The following RAD51B variants were observed in gnomAD, a reference collection of about 807,000 sequenced individuals.
RAD51B encodes RAD51 paralog B.
A neutral mutation model predicts 42.2 loss-of-function variants in RAD51B; 38 were observed. The observed-to-expected ratio is 0.90, with a 90% confidence interval of 0.70 to 1.18. The LOEUF is 1.18. Among genes scored for constraint, RAD51B ranks in the 50% most tolerant of loss-of-function variants. The probability of loss-of-function intolerance (pLI) is 0.00; values close to 1 mark genes in which losing one functional copy is unlikely to be tolerated. For synonymous variants in RAD51B, 154 were observed against 145.2 expected, an observed-to-expected ratio of 1.06 and a Z score of -0.43; for missense variants, 373 against 400.7, an observed-to-expected ratio of 0.93 and a Z score of 0.59.
chr14:67,955,308 AT>A (rs775845334), intron 7 of RAD51B, among the ~76,000 whole-genome samples: 4 of 152,222 alleles, frequency 2.6e-5, no homozygotes, highest in Non-Finnish European at 5.9e-5. Flanking sequence ...ATAAATGATG[AT>A]AGTACTATTA....
In RAD51B at chr14:68,083,053, A is replaced by G. The variant is rs375588255; in HGVS notation, c.756+195849A>G. 1.1e-4 allele frequency among the ~76,000 whole-genome samples: 16 copies of G among 152,290 alleles called. No homozygotes were observed. In the East Asian group the frequency reaches 1.3e-3, roughly 13 times the overall value. The stretch of plus-strand genomic sequence containing the variant: ...TCAGACTAGAGAGTTTCAACTTTTA[A>G]CCTGTGATTTCAGTTATTGTGACAT... On this transcript the variant is annotated intron_variant, in intron 7 of 10. Transcript: ENST00000471583.
intron 7 of RAD51B, among the ~76,000 whole-genome samples, chr14:68,184,616 A>AC (rs1159599893): frequency 1.4e-3 from 81 of 59,090 alleles, no homozygotes; most frequent in African/African-American, 1.8e-3. Flanking sequence ...TCTAAAAAAA[A>AC]AAAAAAACCA....
At chr14:67,912,679 A>G (rs753735420) in intron 7 of RAD51B, among the ~76,000 whole-genome samples, 2 of 152,064 alleles carry the variant, frequency 1.3e-5, no homozygotes, top group Non-Finnish European at 2.9e-5. Flanking sequence ...TCAGGAAAAC[A>G]TAATTTATCT....
chr14:68,640,661 A>G (rs572924126), intron 10 of RAD51B, among the ~76,000 whole-genome samples: 1 of 152,240 alleles, frequency 6.6e-6, no homozygotes, highest in South Asian at 2.1e-4. Flanking sequence ...ACTCAGCCCT[A>G]GTTTGTTGGA....
intron 7 of RAD51B, among the ~76,000 whole-genome samples, chr14:68,184,909 G>A (rs539551215): frequency 1.3e-5 from 2 of 152,144 alleles, no homozygotes; most frequent in Admixed American, 1.3e-4. Flanking sequence ...TTTAGTCCTA[G>A]CTTTGACTCT....
chr14:68,228,471 G>T, intron 7 of RAD51B, among the ~76,000 whole-genome samples: 1 of 151,816 alleles, frequency 6.6e-6, no homozygotes, highest in Non-Finnish European at 1.5e-5. Flanking sequence ...CTATTTCATT[G>T]TCTCGCCTTT....
chr14:68,092,226 T>C (rs2077113302), intron 7 of RAD51B, among the ~76,000 whole-genome samples: 1 of 152,228 alleles, frequency 6.6e-6, no homozygotes, highest in Admixed American at 6.5e-5. Context: ...TTTTTTCCAA[T>C]TCTGTGAAGA....
chr14:68,443,810 A>G (rs761039032), intron 9 of RAD51B, among the ~76,000 whole-genome samples: 2 of 151,624 alleles, frequency 1.3e-5, no homozygotes, highest in Non-Finnish European at 2.9e-5. Flanking sequence ...CAAGGACTGC[A>G]TTTTCCTATA....
chr14:68,584,034 G>C (rs1406972230), intron 10 of RAD51B, among the ~76,000 whole-genome samples: 1 of 152,084 alleles, frequency 6.6e-6, no homozygotes, highest in East Asian at 1.9e-4. Context: ...AGCTTTAAAG[G>C]TTTCCTAGAA....
intron 7 of RAD51B, among the ~76,000 whole-genome samples, chr14:68,282,861 G>A (rs2081345826): frequency 6.6e-6 from 1 of 152,134 alleles, no homozygotes; most frequent in Admixed American, 6.5e-5. Context: ...GCCCAGAGTT[G>A]CTTACTCTCC....
At chr14:68,403,342 T>G (rs950353763) in intron 8 of RAD51B, among the ~76,000 whole-genome samples, 5 of 151,888 alleles carry the variant, frequency 3.3e-5, no homozygotes, top group Non-Finnish European at 7.4e-5. Context: ...TGGAAAAGCA[T>G]TCTTTTAAAG....
chr14:68,118,998 C>T (rs2077596928), intron 7 of RAD51B, among the ~76,000 whole-genome samples: 1 of 151,984 alleles, frequency 6.6e-6, no homozygotes, highest in South Asian at 2.1e-4. Context: ...ACTCTGTCAC[C>T]CAGGCTGGAG....
intron 8 of RAD51B, among the ~76,000 whole-genome samples, chr14:68,314,113 A>G (rs1394714840): frequency 1.3e-5 from 2 of 152,170 alleles, no homozygotes; most frequent in Admixed American, 1.3e-4. Flanking sequence ...GGAGGGTTTG[A>G]TCAGAGTCAT....
At chr14:68,170,458 A>G (rs2078849511) in intron 7 of RAD51B, among the ~76,000 whole-genome samples, 2 of 152,132 alleles carry the variant, frequency 1.3e-5, no homozygotes, top group Admixed American at 1.3e-4. Flanking sequence ...TATCCTTTTT[A>G]TTACTAATTC....
chr14:67,953,030 A>T (rs2074483702), intron 7 of RAD51B, among the ~76,000 whole-genome samples: 1 of 152,184 alleles, frequency 6.6e-6, no homozygotes, highest in Admixed American at 6.5e-5. Flanking sequence ...CACTATGCTA[A>T]GCATTGCAGA....
At chr14:68,615,336 T>C (rs1305781263), downstream of RAD51B, among the ~76,000 whole-genome samples, 2 of 152,180 alleles carry the variant, frequency 1.3e-5, no homozygotes, top group Non-Finnish European at 2.9e-5. Flanking sequence ...AATTGTTAAA[T>C]CTTCTTAAAT....
chr14:68,669,447 G>A (rs1333416096), intron 11 of RAD51B, among the ~76,000 whole-genome samples: 3 of 152,208 alleles, frequency 2.0e-5, no homozygotes, highest in Admixed American at 2.0e-4. Context: ...AGCCCCTTGG[G>A]CCTAGGGGCA....
chr14:68,505,145 C>A, intron 10 of RAD51B, among the ~76,000 whole-genome samples: 1 of 152,208 alleles, frequency 6.6e-6, no homozygotes, highest in Non-Finnish European at 1.5e-5. Flanking sequence ...ATCCAAGGAA[C>A]CCCACGGAGA....
intron 7 of RAD51B, among the ~76,000 whole-genome samples, chr14:67,918,303 TG>T (rs1338498806): frequency 1.3e-5 from 2 of 152,176 alleles, no homozygotes; most frequent in African/African-American, 4.8e-5. Context: ...GGCATGATCC[TG>T]GCTCACTGCA....
Sources: gnomAD v4.1 joint callset for allele counts (sites outside exome capture counted in the v4.1 genomes callset) on GRCh38, gnomAD v4.1.1 for gene constraint, MANE v1.5 for transcripts, NCBI Gene and HGNC (gene_info 2026-07-23, HGNC 2026-07-21) for gene names.